MCTP2: variants seen among roughly 807,000 people sequenced by gnomAD.
The protein encoded by MCTP2 is multiple C2 and transmembrane domain-containing protein 2.
In MCTP2, 132 loss-of-function variants were observed where a neutral mutation model predicts 111.6. The ratio of observed to expected loss-of-function variants is 1.18; its 90% CI spans 1.03 to 1.37. MCTP2 has a LOEUF of 1.37. MCTP2 is among the 40% of genes most tolerant of loss of function. MCTP2 has a pLI of 0.00. For synonymous variants in MCTP2, 395 were observed against 387.7 expected (o/e 1.02, Z -0.22); for missense variants, 1,183 against 1,067.9 (o/e 1.11, Z -1.50).
intron 4 of MCTP2, among the ~76,000 whole-genome samples, chr15:94,326,680 G>T (rs112769204): frequency 0.059 from 8,947 of 151,780 alleles, 874 homozygotes; most frequent in African/African-American, 0.2. Context: ...CAATTCTCCT[G>T]CCTCAGCCTC....
At chr15:94,285,020 A>T (rs923484233) in intron 1 of MCTP2, among the ~76,000 whole-genome samples, 3 of 152,158 alleles carry the variant, frequency 2.0e-5, no homozygotes, top group African/African-American at 7.2e-5. Context: ...CAGCTTTGGT[A>T]ATTCTCTAGG....
At chr15:94,384,492 C>T (rs914178280) in intron 13 of MCTP2, among the ~76,000 whole-genome samples, 16 of 152,120 alleles carry the variant, frequency 1.1e-4, no homozygotes, top group African/African-American at 3.6e-4. Flanking sequence ...TAGGAAAATA[C>T]AGATTATCTG....
rs184844145 is a variant in MCTP2 at position 94,254,092 on chromosome 15, C to T, written c.-66+22428C>T. 3.3e-3 allele frequency among the ~76,000 whole-genome samples: 510 copies of T among 152,264 alleles called. 1 individual carries two copies. The highest frequency in any genetic ancestry group is 0.011 in the South Asian group (51 of 4,830). The stretch of plus-strand genomic sequence containing the variant: ...TTTGATTGGCAACAGCAAATGTTTT[C>T]GTCATAGCATTGGAATATTCTTGAT... On this transcript the variant is annotated intron_variant, in intron 1 of 22. Transcript: ENST00000357742.
chr15:94,297,227 T>C (rs1013565843), intron 1 of MCTP2, among the ~76,000 whole-genome samples: 15 of 152,184 alleles, frequency 9.9e-5, no homozygotes, highest in African/African-American at 3.6e-4. Flanking sequence ...TTTGATTTGA[T>C]CCGTGATGAG....
chr15:94,290,306 GATCTGGT>G (rs1251571488), intron 1 of MCTP2, among the ~76,000 whole-genome samples: 1 of 152,134 alleles, frequency 6.6e-6, no homozygotes, highest in East Asian at 1.9e-4. Flanking sequence ...AAATGCAGGT[GATCTGGT>G]TTCTCTGTTC....
intron 17 of MCTP2, among the ~76,000 whole-genome samples, chr15:94,424,412 T>C (rs1030710639): frequency 3.3e-5 from 5 of 152,180 alleles, no homozygotes; most frequent in Admixed American, 2.0e-4. Flanking sequence ...TAGTTCCCAG[T>C]GAGGTGCCTG....
At chr15:94,402,221 G>A (rs1596596183) in intron 17 of MCTP2, 2 of 893,504 alleles carry the variant, frequency 2.2e-6, no homozygotes, top group Non-Finnish European at 2.7e-6. Context: ...CACTACTGTT[G>A]TATATATATG....
intron 17 of MCTP2, among the ~76,000 whole-genome samples, chr15:94,412,981 G>A (rs144816316): frequency 3.9e-5 from 6 of 152,182 alleles, no homozygotes; most frequent in African/African-American, 1.4e-4. Context: ...TTTCATTGGC[G>A]ATTTTTACAT....
intron 1 of MCTP2, among the ~76,000 whole-genome samples, chr15:94,285,279 G>T (rs2074697272): frequency 6.6e-6 from 1 of 152,036 alleles, no homozygotes; most frequent in Non-Finnish European, 1.5e-5. Context: ...GGTCACAAAG[G>T]CACCTCTACC....
At chr15:94,405,411 A>G (rs1355522493) in intron 17 of MCTP2, among the ~76,000 whole-genome samples, 4 of 152,262 alleles carry the variant, frequency 2.6e-5, no homozygotes, top group African/African-American at 7.2e-5. Flanking sequence ...GTACATGTGC[A>G]TGAACATAAT....
intron 17 of MCTP2, among the ~76,000 whole-genome samples, chr15:94,418,095 ACATAAAGGAGTAAGT>A (rs1351110139): frequency 1.3e-5 from 2 of 152,114 alleles, no homozygotes; most frequent in African/African-American, 4.8e-5. Context: ...CTTTCTATGA[ACATAAAGGAGTAAGT>A]CATGAAGGAG....
At chr15:94,334,211 G>A (rs1371610653) in intron 4 of MCTP2, among the ~76,000 whole-genome samples, 30 of 152,290 alleles carry the variant, frequency 2.0e-4, no homozygotes. Flanking sequence ...ATGATCCCTT[G>A]AAGTTGATAG....
chr15:94,363,131 CTT>C (rs768027722), intron 10 of MCTP2, among the ~76,000 whole-genome samples: 44 of 152,240 alleles, frequency 2.9e-4, no homozygotes, highest in Non-Finnish European at 6.2e-4. Flanking sequence ...GAGTTTTTGA[CTT>C]TGTGAGTTTT....
intron 4 of MCTP2, among the ~76,000 whole-genome samples, chr15:94,328,982 A>G (rs1264491005): frequency 6.6e-6 from 1 of 152,290 alleles, no homozygotes; most frequent in East Asian, 1.9e-4. Flanking sequence ...TCCTCATGAC[A>G]TGGCAGCATC....
intron 17 of MCTP2, among the ~76,000 whole-genome samples, chr15:94,434,379 ATT>A (rs59320167): frequency 0.2 from 29,709 of 148,440 alleles, 3,201 homozygotes; most frequent in East Asian, 0.42. Flanking sequence ...CTCCCAGCCT[ATT>A]TTTTTTTTTC....
chr15:94,234,097 C>G (rs371073846), intron 1 of MCTP2, among the ~76,000 whole-genome samples: 1 of 151,990 alleles, frequency 6.6e-6, no homozygotes. Context: ...TCTTTAGGAG[C>G]TGAGCTGTTA....
intron 17 of MCTP2, among the ~76,000 whole-genome samples, chr15:94,417,511 G>A (rs750232446): frequency 2.6e-5 from 4 of 151,966 alleles, no homozygotes; most frequent in South Asian, 2.1e-4. Context: ...GTACACGTAC[G>A]TGTGTGTGTG....
rs1184288531 is a variant in MCTP2, at chr15:94,450,673, G to A, written c.2251-7464G>A. Among the ~76,000 whole-genome samples, 4 of 152,136 alleles carry A rather than the reference G, an allele frequency of 2.6e-5. No individual in the cohort carries two copies. The East Asian group carries it at 7.7e-4, about 29-fold the overall frequency. ...GGTATATTTTTGCATCTTTAGTCTA[G>A]ATGATTGAAATTACTGGGAGGATTT... On this transcript the variant is annotated intron_variant, in intron 19 of 22. Coordinates refer to ENST00000357742, the MANE Select transcript of MCTP2 (RefSeq NM_001385001.1).
At chr15:94,245,250 A>G (rs1472577902) in intron 1 of MCTP2, among the ~76,000 whole-genome samples, 5 of 141,268 alleles carry the variant, frequency 3.5e-5, no homozygotes, top group East Asian at 2.1e-4. Context: ...ATATACACAT[A>G]TGTATATATA....
Sources: gnomAD v4.1 joint callset for allele counts (sites outside exome capture counted in the v4.1 genomes callset) on GRCh38, gnomAD v4.1.1 for gene constraint, MANE v1.5 for transcripts, NCBI Gene and HGNC (gene_info 2026-07-23, HGNC 2026-07-21) for gene names.